SHISA5: variants seen among roughly 807,000 people sequenced by gnomAD.
The protein encoded by SHISA5 is protein shisa-5.
SHISA5 carries 21 observed loss-of-function variants against 27.5 expected under a neutral mutation model. That is an observed-to-expected ratio of 0.76 (90% CI 0.54 to 1.10). The LOEUF (loss-of-function observed/expected upper bound fraction) is 1.10. Among genes scored for constraint, SHISA5 ranks in the 50% least tolerant of loss-of-function variants. The pLI is 0.00. For synonymous variants in SHISA5, 137 were observed against 142.2 expected (o/e 0.96, Z 0.26); for missense variants, 314 against 336.3 (o/e 0.93, Z 0.52).
In SHISA5 at chr3:48,469,611, C is replaced by T. The variant is rs1269959759; in HGVS notation, c.431-38G>A. On this transcript the variant is annotated intron_variant, in intron 4 of 5. Transcript: ENST00000296444. The surrounding 1 kb of genome is among the most constrained non-coding windows in gnomAD (Gnocchi z 4.6). ...TTCCAGTCAGGACCCTCCTCCATCT[C>T]CCCAGGTCTTGAGAGCCAGGCTTGC... 6.3e-7 allele frequency: 1 copy of T among 1,594,966 alleles called. No homozygotes were observed. The highest frequency in any genetic ancestry group is 2.2e-5 in the East Asian group (1 of 44,658).
chr3:48,485,536 A>G (rs897107379), intron 2 of SHISA5, among the ~76,000 whole-genome samples: 2 of 138,652 alleles, frequency 1.4e-5, no homozygotes, highest in Non-Finnish European at 3.2e-5. Flanking sequence ...TATTAAATAT[A>G]TATATTATAT....
chr3:48,475,643 C>CTTTCCA (rs2040800077), intron 3 of SHISA5, among the ~76,000 whole-genome samples: 1 of 152,216 alleles, frequency 6.6e-6, no homozygotes, highest in Admixed American at 6.5e-5. Context: ...CTCCCTTTCC[C>CTTTCCA]CTGCACTGTG....
At chr3:48,495,898 C>A (rs1193260375) in intron 2 of SHISA5, among the ~76,000 whole-genome samples, 6 of 146,980 alleles carry the variant, frequency 4.1e-5, no homozygotes, top group Admixed American at 6.7e-5. Flanking sequence ...CACCTGTAAT[C>A]CCAGAACTTT....
intron 1 of SHISA5, chr3:48,502,625 T>C (rs1191865002): frequency 2.9e-6 from 1 of 340,830 alleles, no homozygotes; most frequent in Non-Finnish European, 5.9e-6. Flanking sequence ...TACAGTCAAA[T>C]GTTCCCATGT....
At chr3:48,496,303 C>G (rs1232457960) in intron 2 of SHISA5, among the ~76,000 whole-genome samples, 1 of 144,708 alleles carries the variant, frequency 6.9e-6, no homozygotes, top group African/African-American at 2.6e-5. Flanking sequence ...AAAAAAAATA[C>G]AAAAATTAGG....
chr3:48,484,933 T>C (rs2107339403), intron 2 of SHISA5, among the ~76,000 whole-genome samples: 1 of 152,200 alleles, frequency 6.6e-6, no homozygotes, highest in Non-Finnish European at 1.5e-5. Flanking sequence ...GGCTCGTGCC[T>C]ACAGGCATGT....
At chr3:48,483,775 A>C (rs1350654619) in intron 2 of SHISA5, among the ~76,000 whole-genome samples, 4,542 of 29,626 alleles carry the variant, frequency 0.15, 8 homozygotes, top group South Asian at 0.21. Flanking sequence ...GGCTGACCCC[A>C]CCACCTCCCT....
chr3:48,484,849 C>T (rs771063206), intron 2 of SHISA5, among the ~76,000 whole-genome samples: 4 of 151,374 alleles, frequency 2.6e-5, no homozygotes, highest in African/African-American at 9.7e-5. Flanking sequence ...GCCGAGATGG[C>T]GCCACTGCAC....
intron 2 of SHISA5, among the ~76,000 whole-genome samples, chr3:48,492,350 G>C (rs1575327808): frequency 6.6e-6 from 1 of 150,544 alleles, no homozygotes. Flanking sequence ...GGCGCCTGTA[G>C]TCCCAGCTAC....
intron 1 of SHISA5, chr3:48,502,504 T>G (rs1330542409): frequency 2.4e-6 from 1 of 408,892 alleles, no homozygotes; most frequent in African/African-American, 2.1e-5. Context: ...CTGACATCCT[T>G]ACAAGTCTCA....
At position 48,469,503 on chromosome 3, in the gene SHISA5, G is replaced by A; in HGVS notation, c.501C>T (p.Pro167=). 1 of 1,613,944 alleles carries A rather than the reference G, an allele frequency of 6.2e-7. No homozygotes were observed. The highest frequency in any genetic ancestry group is 1.7e-4 in the Middle Eastern group (1 of 6,060). Residue 167 remains proline, a synonymous_variant, in exon 5 of 6, where the codon CCC becomes CCT. Transcript: ENST00000296444. The surrounding 1 kb of genome is among the most constrained non-coding windows in gnomAD (Gnocchi z 4.6). ...APYPQPPSVP[P]SYPGPSYQGY... is the part of the protein sequence containing the mutation. ...CCTGGTAGCTTGGTCCAGGGTAGCT[G>A]GGCGGCACACTTGGAGGCTGAGGAT...
At chr3:48,477,442 G>T (rs568488723) in intron 3 of SHISA5, among the ~76,000 whole-genome samples, 16 of 151,978 alleles carry the variant, frequency 1.1e-4, no homozygotes, top group African/African-American at 3.1e-4. Context: ...GCCCAGGCTG[G>T]AGTGCAGGGA....
chr3:48,489,195 A>AT lies in SHISA5; in HGVS notation c.234-9939dup, dbSNP rs11293006. Among the ~76,000 whole-genome samples the AT allele has an allele frequency of 4.0e-3, 520 of 130,080 alleles. 2 individuals carry two copies. Among genetic ancestry groups the AT allele is most frequent in the Middle Eastern group, 0.013 (3 of 240 alleles). The allele number at this position is 130,080 out of a possible 152,430, so 85.3% of individuals were successfully genotyped here. A position where few individuals can be genotyped will look rare whatever the true frequency, so the allele number is the denominator to read the frequency against. On this transcript the variant is annotated intron_variant, in intron 2 of 5. Transcript: ENST00000296444. ...TTAAACTTTCTTAAAACATTATGAG[A>AT]TTTTTTTTTTTTTTTTTTTGCTCAT...
chr3:48,479,498 C>G (rs2040933750), intron 2 of SHISA5: 1 of 533,630 alleles, frequency 1.9e-6, no homozygotes, highest in Admixed American at 3.3e-5. Context: ...CAAGTCTCAG[C>G]AGATTTTAGA....
At chr3:48,483,017 C>T (rs1359943786) in intron 2 of SHISA5, among the ~76,000 whole-genome samples, 7 of 152,074 alleles carry the variant, frequency 4.6e-5, no homozygotes, top group Admixed American at 2.0e-4. Flanking sequence ...TATGACCTCC[C>T]GGGCTCAAGT....
At position 48,492,695 on chromosome 3, in the gene SHISA5, C is replaced by T. The variant is rs1216636917; in HGVS notation, c.233+8442G>A. 1.4e-5 allele frequency among the ~76,000 whole-genome samples: 2 copies of T among 147,814 alleles called. 1 individual carries two copies. The highest frequency in any genetic ancestry group is 5.3e-5 in the African/African-American group (2 of 37,548). ...GTTTCTCAGAAACATTTAATAGGGA[C>T]TTCTTAACCTCAGATCCTGGGCTTA... On this transcript the variant is annotated intron_variant, in intron 2 of 5. Transcript: ENST00000296444.
intron 2 of SHISA5, among the ~76,000 whole-genome samples, chr3:48,493,591 C>A (rs1220603496): frequency 1.8e-5 from 2 of 113,810 alleles, no homozygotes; most frequent in African/African-American, 8.3e-5. Context: ...AGTGCAGTGG[C>A]ACAATCTCGG....
At chr3:48,500,459 A>G (rs545103408) in intron 2 of SHISA5, among the ~76,000 whole-genome samples, 3 of 152,296 alleles carry the variant, frequency 2.0e-5, no homozygotes, top group African/African-American at 4.8e-5. Flanking sequence ...CCATCTCACA[A>G]AAATAAATAT....
rs183546734 is a variant in SHISA5, at chr3:48,503,063, C to T, written c.76+956G>A. 8.7e-6 allele frequency: 11 copies of T among 1,267,210 alleles called. No individual in the cohort carries two copies. The African/African-American group carries it at 1.7e-4, about 19-fold the overall frequency. The allele number at this position is 1,267,210 out of a possible 1,614,324, so 78.5% of individuals were successfully genotyped here. ...AAAGCCATGGAGCAGAGGATTGGAC[C>T]ATTGACAAGCCCAGTTTGGCCAGCT... On this transcript the variant is annotated intron_variant, in intron 1 of 5. Coordinates refer to ENST00000296444, the MANE Select transcript of SHISA5 (RefSeq NM_016479.6).
Sources: allele counts gnomAD v4.1 joint callset (sites outside exome capture counted in the v4.1 genomes callset), GRCh38; gene constraint gnomAD v4.1.1; non-coding constraint Gnocchi (gnomAD v3.1); transcripts MANE v1.5; gene names NCBI Gene and HGNC (gene_info 2026-07-23, HGNC 2026-07-21).